Variants in FNDC3B observed in about 807,000 individuals in gnomAD.
FNDC3B encodes fibronectin type III domain containing 3B.
FNDC3B carries 12 observed loss-of-function variants against 151.5 expected under a neutral mutation model. The observed-to-expected ratio is 0.08, with a 90% CI of 0.05 to 0.13. The LOEUF is 0.13. Ranked by LOEUF, FNDC3B falls within the 10% of genes least tolerant of loss-of-function variation. The pLI is 1.00. For synonymous variants in FNDC3B, 528 were observed against 549.0 expected (o/e 0.96, Z 0.54); for missense variants, 1,214 against 1,505.3 (o/e 0.81, Z 3.20).
intron 4 of FNDC3B, among the ~76,000 whole-genome samples, chr3:172,228,528 A>C: frequency 6.6e-6 from 1 of 151,990 alleles, no homozygotes; most frequent in Non-Finnish European, 1.5e-5. Flanking sequence ...TATTTATTGC[A>C]TGTACTAGGA....
At chr3:172,147,618 A>G (rs1231305065) in intron 3 of FNDC3B, among the ~76,000 whole-genome samples, 5 of 152,012 alleles carry the variant, frequency 3.3e-5, no homozygotes, top group African/African-American at 1.2e-4. Context: ...AACCAGAATC[A>G]CCTGGAGGGC....
rs1489653677 is a variant in FNDC3B, at chr3:172,344,074, C to T, written c.2078-12C>T. The T allele has an allele frequency of 1.2e-6, 2 of 1,600,338 alleles. No homozygotes were observed. The highest frequency in any genetic ancestry group is 2.3e-5 in the East Asian group (1 of 44,222). On this transcript the variant is annotated splice_polypyrimidine_tract_variant and intron_variant, in intron 18 of 25. Transcript: ENST00000415807. ...AAAGTGTTCTAAGATGAAAAAAATT[C>T]TTCATTCCCAGATGTTCCTGCATCG...
At chr3:172,184,874 T>C (rs1277638242) in intron 3 of FNDC3B, among the ~76,000 whole-genome samples, 2 of 152,148 alleles carry the variant, frequency 1.3e-5, no homozygotes, top group Non-Finnish European at 2.9e-5. Context: ...GAACTGCTAA[T>C]TAGCAGAGGT....
intron 4 of FNDC3B, among the ~76,000 whole-genome samples, chr3:172,236,525 T>C (rs1727173903): frequency 6.6e-6 from 1 of 152,224 alleles, no homozygotes; most frequent in African/African-American, 2.4e-5. Flanking sequence ...CTTCGATTCT[T>C]ATATATTAAG....
intron 23 of FNDC3B, among the ~76,000 whole-genome samples, chr3:172,377,912 A>G (rs1224403725): frequency 2.0e-5 from 3 of 152,222 alleles, no homozygotes; most frequent in African/African-American, 4.8e-5. Context: ...CCTAGTACAT[A>G]GTAGAAGATT....
intron 3 of FNDC3B, among the ~76,000 whole-genome samples, chr3:172,183,960 G>A (rs1377817872): frequency 6.6e-6 from 1 of 152,114 alleles, no homozygotes; most frequent in African/African-American, 2.4e-5. Flanking sequence ...CCAGGTACAT[G>A]GCTAGATGTG....
rs1732499406 is a variant in FNDC3B, at chr3:172,329,044, C to T, written c.1347C>T (p.Phe449=). Reference sequence around the variant, plus strand: ...TTTGTCCGGCAATGGGGTACACATTCAGGCTGGCCGCTCGAAACGACATTG... The same window carrying T: ...TTTGTCCGGCAATGGGGTACACATTTAGGCTGGCCGCTCGAAACGACATTG... The part of the protein sequence containing the change: ...TKLCPAMGYT[F]RLAARNDIGT... The change falls in exon 12 of 26, where the codon TTC becomes TTT. Residue 449 remains phenylalanine (F), a synonymous_variant. Coordinates refer to ENST00000415807, the MANE Select transcript of FNDC3B (RefSeq NM_022763.4). 1.2e-6 allele frequency: 2 copies of T among 1,613,718 alleles called. No individual in the cohort carries two copies. Among genetic ancestry groups the T allele is most frequent in the Non-Finnish European group, 1.7e-6 (2 of 1,179,744 alleles).
chr3:172,089,003 G>A (rs768421280), intron 1 of FNDC3B, among the ~76,000 whole-genome samples: 3 of 152,044 alleles, frequency 2.0e-5, no homozygotes, highest in Admixed American at 6.5e-5. Flanking sequence ...AGCTTTCTAC[G>A]GGACAAAAAA....
intron 3 of FNDC3B, among the ~76,000 whole-genome samples, chr3:172,209,785 A>G (rs1181862686): frequency 3.3e-5 from 5 of 152,190 alleles, no homozygotes; most frequent in Non-Finnish European, 7.4e-5. Flanking sequence ...TCAATATGCC[A>G]TCCATGGCGC....
chr3:172,090,436 AC>A (rs1718760747), intron 1 of FNDC3B, among the ~76,000 whole-genome samples: 1 of 152,062 alleles, frequency 6.6e-6, no homozygotes, highest in Admixed American at 6.5e-5. Context: ...AAACAAACAA[AC>A]AAACAAACAA....
In FNDC3B at chr3:172,396,121, G is replaced by A. The variant is rs528014574; in HGVS notation, c.3304-1043G>A. Among the ~76,000 whole-genome samples the A allele has an allele frequency of 7.2e-5, 11 of 152,102 alleles. No homozygotes were observed. In the South Asian group the frequency reaches 1.7e-3, roughly 23 times the overall value. On this transcript the variant is annotated intron_variant, in intron 25 of 25. Coordinates refer to ENST00000415807, the MANE Select transcript of FNDC3B (RefSeq NM_022763.4). Reference sequence around the variant, plus strand: ...CTTATTAATAGCATTTTTATTATACGAAACCTCCAAACTGGAAATAACCCG... The same window carrying A: ...CTTATTAATAGCATTTTTATTATACAAAACCTCCAAACTGGAAATAACCCG...
intron 4 of FNDC3B, among the ~76,000 whole-genome samples, chr3:172,246,568 G>A (rs1237343574): frequency 8.5e-5 from 13 of 152,184 alleles, no homozygotes; most frequent in Non-Finnish European, 1.3e-4. Context: ...TGCTGCCTTC[G>A]TTGCTCTACT....
At chr3:172,258,088 T>C (rs537489066) in intron 6 of FNDC3B, among the ~76,000 whole-genome samples, 1 of 152,290 alleles carries the variant, frequency 6.6e-6, no homozygotes, top group South Asian at 2.1e-4. Context: ...TAGCAGCTTA[T>C]GTGAACTCTT....
At chr3:172,111,988 C>CT (rs911213652) in intron 1 of FNDC3B, among the ~76,000 whole-genome samples, 2 of 152,170 alleles carry the variant, frequency 1.3e-5, no homozygotes, top group African/African-American at 4.8e-5. Flanking sequence ...ATAAACACTT[C>CT]TTAAGGAACA....
chr3:172,378,198 G>C (rs1259176136), intron 23 of FNDC3B, 72 bp from the exon 24 acceptor site: 1 of 1,396,346 alleles, frequency 7.2e-7, no homozygotes, highest in African/African-American at 1.4e-5. Context: ...TGCTCCATTA[G>C]TTTGCATCAT....
At chr3:172,200,630 A>G (rs550046705) in intron 3 of FNDC3B, among the ~76,000 whole-genome samples, 1 of 152,226 alleles carries the variant, frequency 6.6e-6, no homozygotes, top group Non-Finnish European at 1.5e-5. Context: ...AGGCTAGGCT[A>G]AGCTATGATG....
At chr3:172,256,334 G>A (rs1728346482) in intron 6 of FNDC3B, among the ~76,000 whole-genome samples, 1 of 152,208 alleles carries the variant, frequency 6.6e-6, no homozygotes, top group Admixed American at 6.5e-5. Flanking sequence ...GATAAGTTAA[G>A]GGAAAATATT....
intron 3 of FNDC3B, chr3:172,134,487 T>C (rs1721264223): frequency 4.3e-6 from 2 of 463,504 alleles, no homozygotes; most frequent in South Asian, 1.5e-5. Flanking sequence ...TCTGAGGCTT[T>C]ACTATTAATA....
At chr3:172,232,785 T>C (rs573225520) in intron 4 of FNDC3B, among the ~76,000 whole-genome samples, 1 of 152,344 alleles carries the variant, frequency 6.6e-6, no homozygotes, top group South Asian at 2.1e-4. Flanking sequence ...GGAGAGGCCT[T>C]TCTTCAGATT....
Sources: allele counts gnomAD v4.1 joint callset (sites outside exome capture counted in the v4.1 genomes callset), GRCh38; gene constraint gnomAD v4.1.1; transcripts MANE v1.5; gene names NCBI Gene and HGNC (gene_info 2026-07-23, HGNC 2026-07-21).